Variants in ARHGAP10 observed in about 807,000 individuals in gnomAD.
The protein encoded by ARHGAP10 is rho GTPase-activating protein 10.
Under a neutral mutation model 108.6 loss-of-function variants are expected in ARHGAP10, and 87 were observed. The observed-to-expected ratio is 0.80, with a 90% CI of 0.67 to 0.96. ARHGAP10 has a LOEUF of 0.96. ARHGAP10 is among the 40% of genes least tolerant of loss of function. The pLI, the probability that ARHGAP10 is intolerant of heterozygous loss-of-function variation, is 0.00. For missense variants in ARHGAP10, 939 were observed against 954.5 expected, an observed-to-expected ratio of 0.98 and a Z score of 0.21; for synonymous variants, 347 against 341.1, an observed-to-expected ratio of 1.02 and a Z score of -0.19.
Position 147,966,750 on chromosome 4 carries a change from A to G in ARHGAP10, c.1627A>G (p.Met543Val). 1 of 1,608,332 alleles carries G rather than the reference A, an allele frequency of 6.2e-7. No homozygotes were observed. The highest frequency in any genetic ancestry group is 8.5e-7 in the Non-Finnish European group (1 of 1,175,944). Residue 543 changes from methionine to valine, a missense_variant, in exon 18 of 23, where the codon ATG (methionine) becomes GTG (valine). Met to Val is a conservative substitution (Grantham distance 21, BLOSUM62 1). Transcript: ENST00000336498. ...NLGVVFGPTL[M>V]RPQEETVAAL... Reference sequence around the variant, plus strand: ...AGGAGTGGTGTTTGGACCAACTCTGATGAGGCCACAGGAAGAAACTGTCGC... The same window carrying G: ...AGGAGTGGTGTTTGGACCAACTCTGGTGAGGCCACAGGAAGAAACTGTCGC...
intron 18 of ARHGAP10, among the ~76,000 whole-genome samples, chr4:147,981,663 C>T (rs1287055405): frequency 6.6e-6 from 1 of 152,146 alleles, no homozygotes; most frequent in Admixed American, 6.5e-5. Flanking sequence ...GTTGAAGTCT[C>T]CTCCTATTAT....
Position 148,023,200 on chromosome 4 carries a change from T to C in ARHGAP10, c.1717-63T>C, listed in dbSNP as rs775265684. On this transcript the variant is annotated intron_variant, in intron 18 of 22. Transcript: ENST00000336498. ...ATCAAATGTTGTGGTGCTGGTTTAC[T>C]GGAGTAACACACAGGTTTCTGTTCA... The C allele has an allele frequency of 8.7e-5, 137 of 1,569,400 alleles. 1 individual carries two copies. Among genetic ancestry groups the C allele is most frequent in the Non-Finnish European group, 1.1e-4 (132 of 1,148,152 alleles).
intron 1 of ARHGAP10, among the ~76,000 whole-genome samples, chr4:147,785,538 T>C (rs912798962): frequency 2.6e-5 from 4 of 152,184 alleles, no homozygotes; most frequent in Admixed American, 1.3e-4. Context: ...CATGGGTGTA[T>C]GTATATGATA....
intron 18 of ARHGAP10, among the ~76,000 whole-genome samples, chr4:148,017,865 G>A (rs374179210): frequency 9.2e-5 from 14 of 152,116 alleles, no homozygotes; most frequent in Non-Finnish European, 2.1e-4. Flanking sequence ...TCTGGCAGAA[G>A]TGGTGTAGTC....
intron 18 of ARHGAP10, among the ~76,000 whole-genome samples, chr4:147,968,618 C>A (rs569788972): frequency 1.2e-4 from 19 of 152,238 alleles, no homozygotes; most frequent in African/African-American, 4.6e-4. Flanking sequence ...TCTCTGTAAT[C>A]AAGGGAAAAC....
Position 147,781,686 on chromosome 4 carries a change from T to C in ARHGAP10, c.155-41041T>C, listed in dbSNP as rs545554421. Reference sequence around the variant, plus strand: ...TCATTTTTTTCTTTTCTTTTCTTTTTTTTTTTTTTTTGAGACAGTCTTGCT... The same window carrying C: ...TCATTTTTTTCTTTTCTTTTCTTTTCTTTTTTTTTTTGAGACAGTCTTGCT... On this transcript the variant is annotated intron_variant, in intron 1 of 22. Transcript: ENST00000336498. Among the ~76,000 whole-genome samples, 20 of 150,154 alleles carry C rather than the reference T, an allele frequency of 1.3e-4. No individual in the cohort carries two copies. The East Asian group carries it at 2.3e-3, about 17-fold the overall frequency.
intron 4 of ARHGAP10, among the ~76,000 whole-genome samples, chr4:147,849,604 G>A (rs780033335): frequency 3.4e-4 from 52 of 152,236 alleles, no homozygotes; most frequent in African/African-American, 8.2e-4. Flanking sequence ...ATCTTTCCCC[G>A]TCTCCTGTTT....
At chr4:147,864,513 A>G (rs558541057) in intron 5 of ARHGAP10, 73 of 194,908 alleles carry the variant, frequency 3.7e-4, no homozygotes, top group Middle Eastern at 2.0e-3. Context: ...TTTTTCAAGA[A>G]GAGAAGTCCC....
At chr4:147,974,987 A>C (rs967979873) in intron 18 of ARHGAP10, among the ~76,000 whole-genome samples, 3 of 152,156 alleles carry the variant, frequency 2.0e-5, no homozygotes, top group African/African-American at 7.2e-5. Flanking sequence ...CTCCCACAAC[A>C]TGTGGGAATA....
At chr4:147,807,437 A>T (rs1020566135) in intron 1 of ARHGAP10, among the ~76,000 whole-genome samples, 3 of 152,076 alleles carry the variant, frequency 2.0e-5, no homozygotes, top group African/African-American at 7.3e-5. Flanking sequence ...ATATTCCAGA[A>T]TTATTTTTTT....
chr4:148,064,129 G>T (rs1290867962), intron 21 of ARHGAP10, among the ~76,000 whole-genome samples: 3 of 152,212 alleles, frequency 2.0e-5, no homozygotes, highest in Non-Finnish European at 4.4e-5. Context: ...GTGCTGAATG[G>T]TAGGAAAGGG....
rs554531083 is a variant in ARHGAP10, at chr4:147,781,481, C to T, written c.155-41246C>T. On this transcript the variant is annotated intron_variant, in intron 1 of 22. Coordinates refer to ENST00000336498, the MANE Select transcript of ARHGAP10 (RefSeq NM_024605.4). Reference sequence around the variant, plus strand: ...AAAATACGGGGAGCTACTTTTACATCTTAAATACCGCCTTGTCAAGACCCT... The same window carrying T: ...AAAATACGGGGAGCTACTTTTACATTTTAAATACCGCCTTGTCAAGACCCT... 2.4e-4 allele frequency among the ~76,000 whole-genome samples: 37 copies of T among 152,270 alleles called. 1 individual carries two copies. Among genetic ancestry groups the T allele is most frequent in the Admixed American group, 2.0e-3 (31 of 15,294 alleles).
At chr4:147,924,705 T>C (rs1009790167) in intron 13 of ARHGAP10, among the ~76,000 whole-genome samples, 1 of 152,106 alleles carries the variant, frequency 6.6e-6, no homozygotes, top group Non-Finnish European at 1.5e-5. Context: ...CCCAAAAGAC[T>C]ATCTTGATTG....
At chr4:147,940,063 T>C (rs1738115483) in intron 14 of ARHGAP10, among the ~76,000 whole-genome samples, 164 bp downstream of exon 14, 3 of 152,198 alleles carry the variant, frequency 2.0e-5, no homozygotes, top group Admixed American at 2.0e-4. Flanking sequence ...AGAAGTAGAT[T>C]AGTATTTGCA....
intron 1 of ARHGAP10, among the ~76,000 whole-genome samples, chr4:147,769,408 T>A (rs1338723908): frequency 6.6e-6 from 1 of 152,236 alleles, no homozygotes; most frequent in Non-Finnish European, 1.5e-5. Context: ...GGTTTTCATG[T>A]TTCTCTGTTC....
intron 12 of ARHGAP10, among the ~76,000 whole-genome samples, chr4:147,911,993 A>ATATATGTG (rs1560822641): frequency 4.5e-4 from 49 of 108,690 alleles, no homozygotes; most frequent in African/African-American, 1.8e-3. Flanking sequence ...AAGAACATTC[A>ATATATGTG]CGTGTGTGTG....
chr4:148,007,984 C>T (rs1471279074), intron 18 of ARHGAP10, among the ~76,000 whole-genome samples: 1 of 152,160 alleles, frequency 6.6e-6, no homozygotes, highest in East Asian at 1.9e-4. Flanking sequence ...ATCAGGACTG[C>T]AGTTGGGTTA....
intron 20 of ARHGAP10, among the ~76,000 whole-genome samples, chr4:148,056,355 G>C (rs1729364138): frequency 6.6e-6 from 1 of 152,128 alleles, no homozygotes; most frequent in Admixed American, 6.5e-5. Flanking sequence ...TATGGGTTTT[G>C]GATGCCCTCA....
At chr4:147,916,827 C>CT (rs1737005448) in intron 13 of ARHGAP10, 1 of 152,238 alleles carries the variant, frequency 6.6e-6, no homozygotes, top group Non-Finnish European at 1.5e-5. Context: ...AACCTAGAGC[C>CT]TGGAAGCCAA....
Sources: gnomAD v4.1 joint callset for allele counts (sites outside exome capture counted in the v4.1 genomes callset) on GRCh38, gnomAD v4.1.1 for gene constraint, MANE v1.5 for transcripts, NCBI Gene and HGNC (gene_info 2026-07-23, HGNC 2026-07-21) for gene names.